Variants in ZNF761 observed in about 807,000 individuals in gnomAD.
ZNF761 encodes the protein zinc finger protein 761.
ZNF761 carries 43 observed loss-of-function variants against 59.9 expected under a neutral mutation model. The ratio of observed to expected loss-of-function variants is 0.72; its 90% CI spans 0.56 to 0.92. The LOEUF (loss-of-function observed/expected upper bound fraction) is 0.92. ZNF761 is among the 40% of genes least tolerant of loss of function. The pLI is 0.00. For synonymous variants in ZNF761, 294 were observed against 304.8 expected (o/e 0.96, Z 0.37); for missense variants, 850 against 906.1 (o/e 0.94, Z 0.79).
In ZNF761 at chr19:53,454,749, A is replaced by G. The variant is rs756184648; in HGVS notation, c.242A>G (p.His81Arg). The change falls in exon 5 of 5, where the codon CAC becomes CGC. Residue 81 changes from histidine (H) to arginine (R), a missense_variant. By Grantham distance (29) the His-to-Arg change is conservative. Coordinates refer to ENST00000684525, the MANE Select transcript of ZNF761 (RefSeq NM_001289951.2). Reference protein sequence around the residue: ...AGTLQIHESHHNGDFCYQDVD... With the variant: ...AGTLQIHESHRNGDFCYQDVD... ...ACATTGCAAATACATGAAAGTCATC[A>G]CAATGGAGATTTTTGCTACCAGGAT... 6.2e-7 allele frequency: 1 copy of G among 1,614,194 alleles called. No individual in the cohort carries two copies. The highest frequency in any genetic ancestry group is 1.1e-5 in the South Asian group (1 of 91,080).
In ZNF761 at chr19:53,455,146, A is replaced by G. The variant is rs773467260; in HGVS notation, c.639A>G (p.Lys213=). 2.0e-5 allele frequency: 33 copies of G among 1,614,086 alleles called. No homozygotes were observed. Among genetic ancestry groups the G allele is most frequent in the Admixed American group, 1.3e-4 (8 of 60,002 alleles). ...TQKQEVHMRE[K]SFQCNESGKA... ...AACAGGAAGTACACATGAGAGAAAA[A>G]TCTTTCCAATGTAATGAGAGTGGCA... is the stretch of plus-strand genomic sequence containing the variant. The change falls in exon 5 of 5, where the codon AAA becomes AAG. Residue 213 remains lysine (K), a synonymous_variant. Transcript: ENST00000684525.
At chr19:53,451,996 C>T (rs1435705115) in intron 4 of ZNF761, among the ~76,000 whole-genome samples, 2 of 152,126 alleles carry the variant, frequency 1.3e-5, no homozygotes, top group South Asian at 2.1e-4. Context: ...TTTCAGCCCT[C>T]GGTGATGTTG....
chr19:53,432,204 C>A (rs1031705340), intron 1 of ZNF761, among the ~76,000 whole-genome samples, 176 bp downstream of exon 1: 2 of 152,208 alleles, frequency 1.3e-5, no homozygotes, highest in African/African-American at 4.8e-5. Flanking sequence ...TTAAGGTCCC[C>A]CTGAGGCTGG....
intron 1 of ZNF761, among the ~76,000 whole-genome samples, chr19:53,435,407 C>T (rs1427788531): frequency 2.8e-5 from 4 of 140,912 alleles, no homozygotes; most frequent in African/African-American, 5.4e-5. Flanking sequence ...TGGGTTCAAG[C>T]GATTCTCCTG....
intron 1 of ZNF761, among the ~76,000 whole-genome samples, chr19:53,433,045 G>T (rs61672655): frequency 3.2e-3 from 64 of 19,800 alleles, no homozygotes; most frequent in East Asian, 0.027. Context: ...AGTGGGGACA[G>T]GGGGGTATAA....
intron 4 of ZNF761, among the ~76,000 whole-genome samples, chr19:53,451,684 G>A (rs1293798457): frequency 6.6e-6 from 1 of 151,556 alleles, no homozygotes; most frequent in African/African-American, 2.4e-5. Flanking sequence ...CCAGGTTCAA[G>A]TGATTCTCCT....
Position 53,455,072 on chromosome 19 carries a change from T to G in ZNF761, c.565T>G (p.Ser189Ala). Residue 189 changes from serine to alanine, a missense_variant, in exon 5 of 5, where the codon TCT (serine) becomes GCT (alanine). By Grantham distance (99) the Ser-to-Ala change is moderately conservative. Coordinates refer to ENST00000684525, the MANE Select transcript of ZNF761 (RefSeq NM_001289951.2). Reference protein sequence around the residue: ...RISCRPKTHISNNHGNNFWNS... With the variant: ...RISCRPKTHIANNHGNNFWNS... ...TTCTTGTAGGCCCAAAACCCATATATCTAATAACCATGGGAATAATTTCTG... is the reference window on the plus strand; with the variant it reads ...TTCTTGTAGGCCCAAAACCCATATAGCTAATAACCATGGGAATAATTTCTG... 1 of 1,614,092 alleles carries G rather than the reference T, an allele frequency of 6.2e-7. No individual in the cohort carries two copies.
chr19:53,445,880 C>T (rs1180640066), intron 1 of ZNF761, among the ~76,000 whole-genome samples: 1 of 152,188 alleles, frequency 6.6e-6, no homozygotes, highest in African/African-American at 2.4e-5. Flanking sequence ...CAACTCCTCA[C>T]TGTGGCTCCA....
chr19:53,456,369 T>A lies in ZNF761; in HGVS notation c.1862T>A (p.Leu621His). The A allele has an allele frequency of 6.2e-7, 1 of 1,614,030 alleles. No homozygotes were observed. The highest frequency in any genetic ancestry group is 8.5e-7 in the Non-Finnish European group (1 of 1,179,958). ...AAGACCTTCAGTCGGACGTCATCCC[T>A]TACATGCCATCGTAGACTTCATACC... is the stretch of plus-strand genomic sequence containing the variant. ...CGKTFSRTSSLTCHRRLHTGE... is the reference protein window; with the variant it reads ...CGKTFSRTSSHTCHRRLHTGE... The change falls in exon 5 of 5, where the codon CTT (leucine) becomes CAT (histidine). Residue 621 changes from leucine to histidine, a missense_variant. Leu to His is a moderately conservative substitution (Grantham distance 99). Coordinates refer to ENST00000684525, the MANE Select transcript of ZNF761 (RefSeq NM_001289951.2).
At chr19:53,447,560 G>A (rs1288982214) in intron 3 of ZNF761, among the ~76,000 whole-genome samples, 1 of 152,142 alleles carries the variant, frequency 6.6e-6, no homozygotes, top group Admixed American at 6.5e-5. Flanking sequence ...TGTCAGTGCT[G>A]TTGGACAGCA....
chr19:53,447,014 T>C (rs2086167660), intron 2 of ZNF761, 182 bp from the exon 3 acceptor site: 1 of 359,718 alleles, frequency 2.8e-6, no homozygotes, highest in East Asian at 5.3e-5. Flanking sequence ...TGTTGCAGCG[T>C]GTGTGTGGGC....
intron 1 of ZNF761, among the ~76,000 whole-genome samples, chr19:53,445,961 C>T (rs567373216): frequency 6.6e-6 from 1 of 152,336 alleles, no homozygotes; most frequent in Admixed American, 6.5e-5. Context: ...TCATGACTCC[C>T]TCTGCCCCAG....
chr19:53,437,087 G>A (rs2086050490), intron 1 of ZNF761, among the ~76,000 whole-genome samples: 1 of 152,162 alleles, frequency 6.6e-6, no homozygotes, highest in Non-Finnish European at 1.5e-5. Flanking sequence ...GGAGGCTGAG[G>A]CAGGCAGATT....
In ZNF761 at chr19:53,435,598, T is replaced by C. The variant is rs527401659; in HGVS notation, c.-185+3570T>C. On this transcript the variant is annotated intron_variant, in intron 1 of 4. Transcript: ENST00000684525. Reference sequence around the variant, plus strand: ...AATTACAGGCATGAGCAACTGTGCCTGGCCTTTATAAGTACAAGTTCTTAA... The same window carrying C: ...AATTACAGGCATGAGCAACTGTGCCCGGCCTTTATAAGTACAAGTTCTTAA... Among the ~76,000 whole-genome samples the C allele has an allele frequency of 9.9e-5, 15 of 152,220 alleles. No homozygotes were observed. The East Asian group carries it at 2.9e-3, about 30-fold the overall frequency.
rs2086172142 is a variant in ZNF761 at position 53,447,387 on chromosome 19, G to A, written c.15+104G>A. The stretch of plus-strand genomic sequence containing the variant: ...GAGTCTGAAGCATCCTGCCTGACAG[G>A]TTTGCTCACATTCACCCATGCCTTC... On this transcript the variant is annotated intron_variant, in intron 3 of 4. Transcript: ENST00000684525. The A allele has an allele frequency of 2.0e-6, 3 of 1,499,652 alleles. No individual in the cohort carries two copies. The East Asian group carries it at 6.8e-5, about 34-fold the overall frequency. The allele number at this position is 1,499,652 out of a possible 1,614,324, so 92.9% of individuals were successfully genotyped here.
At chr19:53,445,585 C>T (rs114771704) in intron 1 of ZNF761, among the ~76,000 whole-genome samples, 1,586 of 152,098 alleles carry the variant, frequency 0.01, 42 homozygotes, top group African/African-American at 0.036. Flanking sequence ...CTGAAATGAT[C>T]GGCAAAATAG....
intron 1 of ZNF761, among the ~76,000 whole-genome samples, chr19:53,438,449 G>GT (rs756593958): frequency 8.5e-5 from 13 of 152,308 alleles, no homozygotes; most frequent in Non-Finnish European, 1.5e-4. Context: ...TATAGTCATT[G>GT]TTTTTTGTTC....
At chr19:53,447,642 G>A (rs1308115863) in intron 3 of ZNF761, among the ~76,000 whole-genome samples, 4 of 152,142 alleles carry the variant, frequency 2.6e-5, no homozygotes, top group Non-Finnish European at 5.9e-5. Context: ...AGCTGCCAAT[G>A]GAAGTCATGT....
intron 1 of ZNF761, among the ~76,000 whole-genome samples, chr19:53,433,856 CAA>C (rs1443489550): frequency 9.2e-5 from 14 of 151,664 alleles, no homozygotes; most frequent in African/African-American, 3.2e-4. Context: ...AAGACGGACT[CAA>C]GAGTCTATTT....
Sources: allele counts gnomAD v4.1 joint callset (sites outside exome capture counted in the v4.1 genomes callset), GRCh38; gene constraint gnomAD v4.1.1; transcripts MANE v1.5; gene names NCBI Gene and HGNC (gene_info 2026-07-23, HGNC 2026-07-21).